NAV1: variants seen among roughly 807,000 people sequenced by gnomAD.
NAV1 encodes the protein neuron navigator 1, also known as pore membrane and/or filament interacting like protein 3.
In NAV1, 18 loss-of-function variants were observed where a neutral mutation model predicts 175.2. That is an observed-to-expected ratio of 0.10 (90% CI 0.07 to 0.15). The LOEUF is 0.15. NAV1 is among the 10% of genes least tolerant of loss of function. NAV1 has a pLI of 1.00. For synonymous variants in NAV1, 897 were observed against 978.7 expected, an observed-to-expected ratio of 0.92 and a Z score of 1.56; for missense variants, 1,731 against 2,436.6, an observed-to-expected ratio of 0.71 and a Z score of 6.10.
At chr1:201,747,605 G>A (rs1037639388) in intron 3 of NAV1, among the ~76,000 whole-genome samples, 3 of 152,132 alleles carry the variant, frequency 2.0e-5, no homozygotes, top group South Asian at 4.1e-4. Context: ...CCTCTGATAC[G>A]TGGTTGAAAA....
intron 2 of NAV1, among the ~76,000 whole-genome samples, chr1:201,637,828 A>G (rs1668650249): frequency 1.3e-5 from 2 of 152,086 alleles, no homozygotes; most frequent in Admixed American, 1.3e-4. Flanking sequence ...TGGGTGGGTC[A>G]TGGTCTAAGG....
intron 3 of NAV1, among the ~76,000 whole-genome samples, chr1:201,742,858 C>G (rs1673518147): frequency 7.3e-6 from 1 of 136,936 alleles, no homozygotes; most frequent in Non-Finnish European, 1.7e-5. Flanking sequence ...GCTGGATTAA[C>G]CTCTTCCTGC....
intron 1 of NAV1, among the ~76,000 whole-genome samples, chr1:201,692,707 CTCTAAG>C (rs1427270823): frequency 1.3e-5 from 2 of 152,218 alleles, no homozygotes; most frequent in Non-Finnish European, 2.9e-5. Context: ...ACAGGGCTAT[CTCTAAG>C]TCTGTCTGTA....
chr1:201,662,785 T>C (rs976294662), intron 1 of NAV1, among the ~76,000 whole-genome samples: 1 of 152,222 alleles, frequency 6.6e-6, no homozygotes, highest in Non-Finnish European at 1.5e-5. Context: ...TAGAGGCGAC[T>C]AGTGCTCACA....
At chr1:201,772,803 G>A (rs1324118481) in intron 3 of NAV1, among the ~76,000 whole-genome samples, 2 of 152,146 alleles carry the variant, frequency 1.3e-5, no homozygotes, top group African/African-American at 4.8e-5. Flanking sequence ...GGAGGCCAAG[G>A]CGGGTGGATC....
At chr1:201,645,870 G>T (rs1668963120), upstream of NAV1, among the ~76,000 whole-genome samples, 1 of 152,190 alleles carries the variant, frequency 6.6e-6, no homozygotes, top group Non-Finnish European at 1.5e-5. Context: ...TTTTAGGAAA[G>T]GTGTGGTTCT....
At chr1:201,644,726 A>G (rs1238391874), upstream of NAV1, among the ~76,000 whole-genome samples, 1 of 152,226 alleles carries the variant, frequency 6.6e-6, no homozygotes, top group Non-Finnish European at 1.5e-5. Flanking sequence ...GGCTTCTCTT[A>G]TTGACAACAC....
intron 15 of NAV1, among the ~76,000 whole-genome samples, chr1:201,802,170 T>A (rs997720167): frequency 7.1e-6 from 1 of 140,504 alleles, no homozygotes; most frequent in Non-Finnish European, 1.6e-5. Flanking sequence ...CCGGGCGTGG[T>A]GGCAGGGGCC....
chr1:201,808,566 G>A lies in NAV1; in HGVS notation c.3994G>A (p.Ala1332Thr). 2 of 1,614,270 alleles carry A rather than the reference G, an allele frequency of 1.2e-6. No homozygotes were observed. Among genetic ancestry groups the A allele is most frequent in the Non-Finnish European group, 1.7e-6 (2 of 1,180,050 alleles). Residue 1332 changes from alanine (A) to threonine (T), a missense_variant, in exon 19 of 30, where the codon GCC becomes ACC. Physicochemically the swap from Ala to Thr is moderately conservative, Grantham distance 58 (BLOSUM62 0). This residue lies in a region of NAV1 where 18 missense variants were observed against 56.2 expected (regional missense o/e 0.32). Coordinates refer to ENST00000367296, the Ensembl canonical transcript of NAV1. The surrounding 1 kb of genome is among the most constrained non-coding windows in gnomAD (Gnocchi z 5.5). The stretch of plus-strand genomic sequence containing the variant: ...CATCCGCTTGGAGGCCCTCAACTCT[G>A]CCCACCAACTGGATCAGCTTCGGGA...
At chr1:201,731,702 G>A (rs1672866506) in intron 3 of NAV1, among the ~76,000 whole-genome samples, 1 of 152,102 alleles carries the variant, frequency 6.6e-6, no homozygotes, top group African/African-American at 2.4e-5. Context: ...GGCCCCTGTG[G>A]GTTTGATGAC....
exon 5 of NAV1, chr1:201,781,017 C>T: frequency 6.2e-7 from 1 of 1,608,784 alleles, no homozygotes; most frequent in South Asian, 1.1e-5. Flanking sequence ...TTTAGCTACG[C>T]ACAGACTCAG....
chr1:201,617,417 A>G (rs373400772), intron 2 of NAV1, among the ~76,000 whole-genome samples: 3 of 152,300 alleles, frequency 2.0e-5, no homozygotes, highest in East Asian at 3.9e-4. Flanking sequence ...TTTGGCTTGA[A>G]CAGACCCTTG....
At chr1:201,703,899 C>G (rs1011080302) in intron 1 of NAV1, among the ~76,000 whole-genome samples, 2 of 152,222 alleles carry the variant, frequency 1.3e-5, no homozygotes, top group Non-Finnish European at 2.9e-5. Flanking sequence ...AGCTCCCAGC[C>G]TCAAGAACAC....
intron 1 of NAV1, among the ~76,000 whole-genome samples, chr1:201,551,014 C>T (rs771575087): frequency 2.0e-5 from 3 of 152,246 alleles, no homozygotes; most frequent in African/African-American, 4.8e-5. Flanking sequence ...TCCATCCTCT[C>T]GTTTACTCTT....
chr1:201,806,291 C>T (rs576324604), intron 17 of NAV1, among the ~76,000 whole-genome samples: 3 of 152,148 alleles, frequency 2.0e-5, no homozygotes, highest in African/African-American at 4.8e-5. Flanking sequence ...AGCCTAAGTA[C>T]TGCATTTTCT....
intron 3 of NAV1, among the ~76,000 whole-genome samples, chr1:201,757,678 A>G (rs1571463060): frequency 6.6e-6 from 1 of 152,230 alleles, no homozygotes; most frequent in East Asian, 1.9e-4. Context: ...ATCTGCCATT[A>G]ACCTGGGAAA....
intron 2 of NAV1, among the ~76,000 whole-genome samples, chr1:201,642,557 T>TTCTTTCTTTC (rs1668819760): frequency 9.4e-6 from 1 of 106,018 alleles, no homozygotes; most frequent in Non-Finnish European, 1.9e-5. Context: ...TTCTTTCTTT[T>TTCTTTCTTTC]TTCCCTTTCT....
intron 2 of NAV1, among the ~76,000 whole-genome samples, chr1:201,636,449 G>A (rs1036689673): frequency 2.6e-5 from 4 of 152,220 alleles, no homozygotes; most frequent in African/African-American, 9.7e-5. Context: ...GAGATTAAGT[G>A]CTGAGAATTA....
rs370233418 is a variant in NAV1 at position 201,783,394 on chromosome 1, A to G, written c.2358-12A>G. The G allele has an allele frequency of 6.2e-7, 1 of 1,610,302 alleles. No homozygotes were observed. Among genetic ancestry groups the G allele is most frequent in the Non-Finnish European group, 8.5e-7 (1 of 1,177,476 alleles). ...TCTATTATTCTAAATATTTCGTTTG[A>G]TCTTCTCTCAGGGCCACAGCGAAGA... On this transcript the variant is annotated splice_polypyrimidine_tract_variant and intron_variant, in intron 6 of 29. Coordinates refer to ENST00000367296, the Ensembl canonical transcript of NAV1.
Sources: gnomAD v4.1 joint callset for allele counts (sites outside exome capture counted in the v4.1 genomes callset) on GRCh38, gnomAD v4.1.1 for gene constraint, gnomAD v4.1.1 regional missense constraint, Gnocchi (gnomAD v3.1) non-coding constraint, MANE v1.5 for transcripts, NCBI Gene and HGNC (gene_info 2026-07-23, HGNC 2026-07-21) for gene names.